The following CHN2 variants were observed in gnomAD, a reference collection of about 807,000 sequenced individuals.
The protein encoded by CHN2 is chimerin 2.
CHN2 carries 35 observed loss-of-function variants against 56.3 expected under a neutral mutation model. The ratio of observed to expected loss-of-function variants is 0.62; its 90% CI spans 0.47 to 0.82. The LOEUF is 0.82. Ranked by LOEUF, CHN2 falls within the 40% of genes least tolerant of loss-of-function variation. CHN2 has a pLI of 0.00. For missense variants in CHN2, 491 were observed against 580.5 expected (o/e 0.85, Z 1.58); for synonymous variants, 210 against 212.8 (o/e 0.99, Z 0.12).
chr7:29,489,527 A>G (rs190506835), intron 7 of CHN2, among the ~76,000 whole-genome samples: 144 of 152,342 alleles, frequency 9.5e-4, no homozygotes, highest in African/African-American at 3.4e-3. Flanking sequence ...CAGCATTTAC[A>G]CGTAGCCTTC....
intron 3 of CHN2, among the ~76,000 whole-genome samples, chr7:29,393,290 A>G (rs1386690284): frequency 6.6e-6 from 1 of 152,266 alleles, no homozygotes; most frequent in African/African-American, 2.4e-5. Context: ...TTATAAATAC[A>G]TAATAAAAAC....
intron 5 of CHN2, 31 bp downstream of exon 5, chr7:29,398,517 G>T: frequency 7.2e-7 from 1 of 1,397,918 alleles, no homozygotes; most frequent in South Asian, 1.2e-5. Context: ...TGTTTTCATT[G>T]CTGTACAAGT....
At chr7:29,427,100 T>A (rs1562598214) in intron 6 of CHN2, among the ~76,000 whole-genome samples, 1 of 152,144 alleles carries the variant, frequency 6.6e-6, no homozygotes, top group Non-Finnish European at 1.5e-5. Flanking sequence ...GGTGGATCAC[T>A]TGAGGTCGGG....
At chr7:29,154,706 G>A (rs376633108) in intron 2 of CHN2, among the ~76,000 whole-genome samples, 21 of 152,156 alleles carry the variant, frequency 1.4e-4, no homozygotes, top group East Asian at 1.9e-4. Context: ...GTGGTGGCAC[G>A]TACCTGTGGT....
chr7:29,442,571 G>A (rs1783720429), intron 6 of CHN2, among the ~76,000 whole-genome samples: 1 of 152,196 alleles, frequency 6.6e-6, no homozygotes, highest in Admixed American at 6.5e-5. Flanking sequence ...CACTCTGAGA[G>A]TTCAGGGTAT....
intron 2 of CHN2, among the ~76,000 whole-genome samples, chr7:29,364,331 G>A (rs1798970181): frequency 6.6e-6 from 1 of 152,148 alleles, no homozygotes; most frequent in African/African-American, 2.4e-5. Flanking sequence ...TTGCAAAAGA[G>A]CACTTAGCTA....
At chr7:29,486,096 T>G (rs2076567094) in intron 7 of CHN2, among the ~76,000 whole-genome samples, 1 of 152,032 alleles carries the variant, frequency 6.6e-6, no homozygotes, top group Non-Finnish European at 1.5e-5. Flanking sequence ...TCGTACATAT[T>G]TATGTGTGTG....
intron 2 of CHN2, among the ~76,000 whole-genome samples, chr7:29,355,132 C>T (rs1585142752): frequency 1.3e-5 from 2 of 151,830 alleles, no homozygotes; most frequent in East Asian, 3.9e-4. Flanking sequence ...CCATGCCCGG[C>T]TAATTTTTTT....
chr7:29,354,405 C>T (rs200525880), intron 1 of CHN2, among the ~76,000 whole-genome samples: 2 of 152,142 alleles, frequency 1.3e-5, no homozygotes, highest in East Asian at 3.9e-4. Context: ...AGCAATTGAT[C>T]TGCCATAGTA....
At position 29,207,729 on chromosome 7, in the gene CHN2, C is replaced by T. The variant is rs1784624241; in HGVS notation, c.49+12739C>T. Among the ~76,000 whole-genome samples, 3 of 152,144 alleles carry T rather than the reference C, an allele frequency of 2.0e-5. No homozygotes were observed. The South Asian group carries it at 6.2e-4, about 31-fold the overall frequency. On this transcript the variant is annotated intron_variant, in intron 1 of 12. Coordinates refer to ENST00000222792, the MANE Select transcript of CHN2 (RefSeq NM_004067.4). ...CCATATGCCCCCACTTAGATGGATGCTTGTACAGACGTTTCCAAGGATATC... is the reference window on the plus strand; with the variant it reads ...CCATATGCCCCCACTTAGATGGATGTTTGTACAGACGTTTCCAAGGATATC...
chr7:29,415,802 C>T (rs1803680875), intron 6 of CHN2, among the ~76,000 whole-genome samples: 2 of 152,170 alleles, frequency 1.3e-5, no homozygotes, highest in Non-Finnish European at 2.9e-5. Context: ...TCTGGGACAT[C>T]AATGCAGTAA....
Position 29,418,214 on chromosome 7 carries a change from T to C in CHN2, c.576+17386T>C, listed in dbSNP as rs540202730. On this transcript the variant is annotated intron_variant, in intron 6 of 12. Transcript: ENST00000222792. ...TATGTTTCATGCATTTTCCCTCAGA[T>C]GGGATGTTTTGGAGTGGAAGTGGAG... 2.0e-5 allele frequency among the ~76,000 whole-genome samples: 3 copies of C among 152,352 alleles called. No homozygotes were observed. The South Asian group carries it at 6.2e-4, about 32-fold the overall frequency.
In CHN2 at chr7:29,383,906, C is replaced by T. The variant is rs936743206; in HGVS notation, c.145-9773C>T. On this transcript the variant is annotated intron_variant, in intron 3 of 12. Transcript: ENST00000222792. The stretch of plus-strand genomic sequence containing the variant: ...TATAGGGAGACCAGTAAAGAGACTA[C>T]TTTCGTAGTCTAGATGAGTAGATAG... 2.0e-5 allele frequency among the ~76,000 whole-genome samples: 3 copies of T among 152,170 alleles called. No homozygotes were observed. In the South Asian group the frequency reaches 6.2e-4, roughly 32 times the overall value.
chr7:29,338,710 C>A (rs1407703336), intron 1 of CHN2, among the ~76,000 whole-genome samples: 1 of 152,128 alleles, frequency 6.6e-6, no homozygotes, highest in African/African-American at 2.4e-5. Context: ...TCCTGAGTAG[C>A]TGGGATTGCA....
intron 6 of CHN2, among the ~76,000 whole-genome samples, chr7:29,404,994 A>ATT (rs60170926): frequency 3.3e-5 from 5 of 151,680 alleles, no homozygotes; most frequent in African/African-American, 9.7e-5. Context: ...GTGGAAGGAG[A>ATT]TTTTTCCCTG....
intron 6 of CHN2, among the ~76,000 whole-genome samples, chr7:29,470,449 A>C (rs1785925847): frequency 6.6e-6 from 1 of 152,240 alleles, no homozygotes. Flanking sequence ...AAAGCACAGT[A>C]GGGATTGGAG....
At chr7:29,488,009 G>A (rs1199301719) in intron 7 of CHN2, among the ~76,000 whole-genome samples, 2 of 152,198 alleles carry the variant, frequency 1.3e-5, no homozygotes, top group African/African-American at 4.8e-5. Context: ...TTTATGCAGT[G>A]GGGAGACTCC....
At chr7:29,336,946 T>G (rs1796674600) in intron 1 of CHN2, among the ~76,000 whole-genome samples, 1 of 152,092 alleles carries the variant, frequency 6.6e-6, no homozygotes, top group South Asian at 2.1e-4. Flanking sequence ...CTGTGAGGTC[T>G]TCCTTGTTAG....
chr7:29,510,342 G>A (rs1390361766), intron 12 of CHN2, among the ~76,000 whole-genome samples: 1 of 152,196 alleles, frequency 6.6e-6, no homozygotes, highest in Non-Finnish European at 1.5e-5. Context: ...GGGAGGCTGA[G>A]ACAGGAGAAT....
Sources: gnomAD v4.1 joint callset for allele counts (sites outside exome capture counted in the v4.1 genomes callset) on GRCh38, gnomAD v4.1.1 for gene constraint, MANE v1.5 for transcripts, NCBI Gene and HGNC (gene_info 2026-07-23, HGNC 2026-07-21) for gene names.